OPCML: variants seen among roughly 807,000 people sequenced by gnomAD.
The protein encoded by OPCML is opioid binding protein/cell adhesion molecule like.
In OPCML, 13 loss-of-function variants were observed where a neutral mutation model predicts 37.8. The ratio of observed to expected loss-of-function variants is 0.34; its 90% confidence interval spans 0.22 to 0.55. The LOEUF (loss-of-function observed/expected upper bound fraction) is 0.55, where lower values mean the gene tolerates loss of function less well. Among genes scored for constraint, OPCML ranks in the 20% least tolerant of loss-of-function variants. The pLI, the probability that OPCML is intolerant of heterozygous loss-of-function variation, is 0.91. For missense variants in OPCML, 341 were observed against 435.6 expected, an observed-to-expected ratio of 0.78 and a Z score of 1.93; for synonymous variants, 176 against 168.8, an observed-to-expected ratio of 1.04 and a Z score of -0.33.
At chr11:133,463,963 T>A (rs542617873) in intron 1 of OPCML, among the ~76,000 whole-genome samples, 1 of 149,972 alleles carries the variant, frequency 6.7e-6, no homozygotes, top group East Asian at 1.9e-4. Context: ...TTGTGTTCTA[T>A]TAATTCTTTT....
At chr11:133,309,005 T>C (rs990190233) in intron 1 of OPCML, among the ~76,000 whole-genome samples, 1 of 152,186 alleles carries the variant, frequency 6.6e-6, no homozygotes, top group Non-Finnish European at 1.5e-5. Flanking sequence ...TAGACCATTC[T>C]TCCTTGAAGG....
chr11:132,628,933 C>T (rs1939913401), intron 3 of OPCML, among the ~76,000 whole-genome samples: 1 of 152,116 alleles, frequency 6.6e-6, no homozygotes, highest in Non-Finnish European at 1.5e-5. Flanking sequence ...GAAGCCTTCC[C>T]AACCATGCTG....
intron 1 of OPCML, among the ~76,000 whole-genome samples, chr11:133,118,859 C>T (rs7931244): frequency 0.52 from 79,282 of 151,684 alleles, 21,311 homozygotes; most frequent in East Asian, 0.79. Flanking sequence ...CACAGACCCA[C>T]ACATGGACGT....
chr11:132,429,214 T>C (rs1592160347), intron 7 of OPCML, among the ~76,000 whole-genome samples: 1 of 152,294 alleles, frequency 6.6e-6, no homozygotes, highest in Non-Finnish European at 1.5e-5. Flanking sequence ...GAGAACAGCC[T>C]TAATGCCAAG....
At chr11:133,345,726 C>G (rs1405842058) in intron 1 of OPCML, among the ~76,000 whole-genome samples, 1 of 152,170 alleles carries the variant, frequency 6.6e-6, no homozygotes, top group African/African-American at 2.4e-5. Flanking sequence ...ATCTTCAGAT[C>G]CGTGAAGAAA....
intron 3 of OPCML, among the ~76,000 whole-genome samples, chr11:132,605,149 A>G (rs562473371): frequency 1.3e-5 from 2 of 152,354 alleles, no homozygotes; most frequent in South Asian, 4.1e-4. Flanking sequence ...TAGAAAACAA[A>G]TGCAATAATA....
At chr11:133,161,365 C>T (rs573638253) in intron 1 of OPCML, among the ~76,000 whole-genome samples, 3 of 152,184 alleles carry the variant, frequency 2.0e-5, no homozygotes, top group African/African-American at 4.8e-5. Flanking sequence ...AGAAAGTGTT[C>T]GTAATGGACG....
At chr11:132,990,262 A>G (rs774413483) in intron 1 of OPCML, among the ~76,000 whole-genome samples, 79 of 152,208 alleles carry the variant, frequency 5.2e-4, no homozygotes, top group Admixed American at 2.3e-3. Flanking sequence ...CAGAATGTTG[A>G]TAAGTTAGCT....
chr11:133,453,744 C>A (rs551290190), intron 1 of OPCML, among the ~76,000 whole-genome samples: 1 of 152,130 alleles, frequency 6.6e-6, no homozygotes, highest in South Asian at 2.1e-4. Context: ...TCTATCCTCA[C>A]GTGGCACAAG....
intron 1 of OPCML, among the ~76,000 whole-genome samples, chr11:133,018,352 C>G (rs539445835): frequency 6.6e-6 from 1 of 152,164 alleles, no homozygotes; most frequent in Admixed American, 6.5e-5. Flanking sequence ...TGTGCATATT[C>G]TTTCTCCTCT....
chr11:132,597,028 G>A (rs995748965), intron 3 of OPCML, among the ~76,000 whole-genome samples: 9 of 152,070 alleles, frequency 5.9e-5, no homozygotes, highest in African/African-American at 1.7e-4. Flanking sequence ...AATCTATGTA[G>A]ACAGCAAATA....
chr11:133,117,559 T>C (rs528599623), intron 1 of OPCML, among the ~76,000 whole-genome samples: 101 of 152,288 alleles, frequency 6.6e-4, no homozygotes, highest in African/African-American at 2.4e-3. Context: ...CATAGGTAGT[T>C]TTTCGATGTT....
intron 2 of OPCML, among the ~76,000 whole-genome samples, chr11:132,894,652 C>A (rs1307251332): frequency 6.6e-6 from 1 of 152,132 alleles, no homozygotes; most frequent in African/African-American, 2.4e-5. Flanking sequence ...GAAGATCCAC[C>A]CTCAGTGTGC....
intron 2 of OPCML, among the ~76,000 whole-genome samples, chr11:132,890,770 T>G (rs1591761135): frequency 7.2e-6 from 1 of 139,844 alleles, no homozygotes; most frequent in African/African-American, 2.7e-5. Flanking sequence ...GGCAGAAGAA[T>G]GGCGTGACCC....
intron 1 of OPCML, among the ~76,000 whole-genome samples, chr11:133,401,982 G>A (rs1016938933): frequency 4.6e-5 from 7 of 152,156 alleles, no homozygotes; most frequent in African/African-American, 1.2e-4. Flanking sequence ...CAACTGGGCC[G>A]CGAGCAAGTC....
At chr11:132,920,594 C>A (rs535123947) in intron 2 of OPCML, among the ~76,000 whole-genome samples, 221 of 152,290 alleles carry the variant, frequency 1.5e-3, no homozygotes, top group Admixed American at 4.2e-3. Flanking sequence ...CCCAGGACAG[C>A]CGCGGCCCCT....
intron 3 of OPCML, among the ~76,000 whole-genome samples, chr11:132,602,848 C>A (rs2137789709): frequency 6.6e-6 from 1 of 152,346 alleles, no homozygotes; most frequent in South Asian, 2.1e-4. Context: ...AAGTTTGCCT[C>A]TGCATCTCAC....
intron 1 of OPCML, chr11:133,005,746 T>C: frequency 1.0e-6 from 1 of 980,170 alleles, no homozygotes; most frequent in Non-Finnish European, 1.2e-6. Context: ...AAAGCTTTTC[T>C]TTCTTTTTAA....
intron 6 of OPCML, 171 bp from the exon 7 acceptor site, chr11:132,436,408 C>T (rs2136740142): frequency 1.0e-6 from 1 of 979,068 alleles, no homozygotes; most frequent in African/African-American, 1.7e-5. Flanking sequence ...AATGTACTGG[C>T]TTCTAATTCC....
Sources: allele counts gnomAD v4.1 joint callset (sites outside exome capture counted in the v4.1 genomes callset), GRCh38; gene constraint gnomAD v4.1.1; transcripts MANE v1.5; gene names NCBI Gene and HGNC (gene_info 2026-07-23, HGNC 2026-07-21).